FGD5: variants seen among roughly 807,000 people sequenced by gnomAD.
The protein encoded by FGD5 is FYVE, RhoGEF and PH domain containing 5.
A neutral mutation model predicts 133.4 loss-of-function variants in FGD5; 28 were observed. That is an observed-to-expected ratio of 0.21 (90% CI 0.16 to 0.29). The LOEUF (loss-of-function observed/expected upper bound fraction) is 0.29, where lower values mean the gene tolerates loss of function less well. Among genes scored for constraint, FGD5 ranks in the 10% least tolerant of loss-of-function variants. The probability of loss-of-function intolerance (pLI) is 1.00; values close to 1 mark genes in which losing one functional copy is unlikely to be tolerated. For synonymous variants in FGD5, 810 were observed against 776.5 expected (o/e 1.04, Z -0.72); for missense variants, 1,858 against 1,895.2 (o/e 0.98, Z 0.36).
In FGD5 at chr3:14,932,739, AAGAACTAATTAGTCTTATAGCTTTT is replaced by A; in HGVS notation, c.4352+9_4352+33del. ...TACCAATTCAGCTCAGAGGTACGAA[AAGAACTAATTAGTCTTATAGCTTTT>A]TGTTCTCTCAGAAGGCAACAAGTTG... On this transcript the variant is annotated intron_variant, in intron 19 of 19. Transcript: ENST00000285046. 1 of 1,611,008 alleles carries A rather than the reference AAGAACTAATTAGTCTTATAGCTTTT, an allele frequency of 6.2e-7. No homozygotes were observed. The highest frequency in any genetic ancestry group is 8.5e-7 in the Non-Finnish European group (1 of 1,179,082).
intron 1 of FGD5, among the ~76,000 whole-genome samples, chr3:14,839,167 A>G (rs532780112): frequency 6.6e-6 from 1 of 152,236 alleles, no homozygotes; most frequent in African/African-American, 2.4e-5. Flanking sequence ...GGAAATGCAC[A>G]GGCTTCTGGG....
rs1247009070 is a variant in FGD5, at chr3:14,844,209, AAAAAAAAAATATATATATATAT to A, written c.2526-19917_2526-19896del. Reference sequence around the variant, plus strand: ...TCTCACATCTTAATAGGCATTAAAAAAAAAAAAAATATATATATATATATATATATATATATATATATATATA... The same window carrying A: ...TCTCACATCTTAATAGGCATTAAAAAATATATATATATATATATATATATA... On this transcript the variant is annotated intron_variant, in intron 1 of 19. Coordinates refer to ENST00000285046, the MANE Select transcript of FGD5 (RefSeq NM_152536.4). 1.5e-4 allele frequency among the ~76,000 whole-genome samples: 4 copies of A among 26,906 alleles called. 1 individual carries two copies. The highest frequency in any genetic ancestry group is 2.7e-4 in the Non-Finnish European group (4 of 14,926). 17.7% of individuals were successfully genotyped at this position (26,906 alleles called of 152,430 possible).
chr3:14,917,635 G>A lies in FGD5; in HGVS notation c.3489+303G>A, dbSNP rs1186272496. 1.3e-5 allele frequency among the ~76,000 whole-genome samples: 2 copies of A among 152,100 alleles called. No homozygotes were observed. The highest frequency in any genetic ancestry group is 4.8e-5 in the African/African-American group (2 of 41,400). On this transcript the variant is annotated intron_variant, in intron 12 of 19. Transcript: ENST00000285046. This position sits in a 1 kb window ranked among gnomAD's most constrained non-coding sequence, Gnocchi z 4.1. ...GCATAAGGAAGGGCCTGGGTTGGGG[G>A]AACAAGCAGGTGGTTGGTAATTTTT...
Position 14,880,746 on chromosome 3 carries a change from G to T in FGD5, c.2722G>T (p.Val908Leu). The T allele has an allele frequency of 6.2e-7, 1 of 1,614,044 alleles. No homozygotes were observed. The highest frequency in any genetic ancestry group is 8.5e-7 in the Non-Finnish European group (1 of 1,179,888). The change falls in exon 4 of 20, where the codon GTG (valine) becomes TTG (leucine). Residue 908 changes from valine to leucine, a missense_variant. This residue lies in a region of FGD5 where 1,824 missense variants were observed against 1,848.9 expected (regional missense o/e 0.99). Coordinates refer to ENST00000285046, the MANE Select transcript of FGD5 (RefSeq NM_152536.4). The stretch of plus-strand genomic sequence containing the variant: ...CAACCCTCTTTCCCTCTGCAGATAC[G>T]TGGAGATGCTCCAGCACTTAAATCT... Reference protein sequence around the residue: ...QELLSSEKAYVEMLQHLNLDF... With the variant: ...QELLSSEKAYLEMLQHLNLDF...
At chr3:14,844,848 A>C (rs2037015647) in intron 1 of FGD5, among the ~76,000 whole-genome samples, 1 of 152,032 alleles carries the variant, frequency 6.6e-6, no homozygotes, top group Non-Finnish European at 1.5e-5. Context: ...ACTGCACTCA[A>C]ATCTTTTTTG....
At chr3:14,892,180 A>G (rs1281828817) in intron 4 of FGD5, among the ~76,000 whole-genome samples, 1 of 151,648 alleles carries the variant, frequency 6.6e-6, no homozygotes, top group Non-Finnish European at 1.5e-5. Context: ...TTCAATCCTT[A>G]TATACAAAAG....
At chr3:14,827,698 T>C (rs187139202) in intron 1 of FGD5, among the ~76,000 whole-genome samples, 35 of 152,246 alleles carry the variant, frequency 2.3e-4, no homozygotes, top group Middle Eastern at 3.4e-3. Flanking sequence ...TCCTGGAACT[T>C]GCTAATGAGG....
intron 1 of FGD5, among the ~76,000 whole-genome samples, chr3:14,811,087 T>G (rs368507119): frequency 6.6e-6 from 1 of 151,828 alleles, no homozygotes; most frequent in South Asian, 2.1e-4. Flanking sequence ...CTCAGGGACC[T>G]TCTCAGCCTT....
chr3:14,846,521 C>T (rs895904538), intron 1 of FGD5, among the ~76,000 whole-genome samples: 11 of 152,216 alleles, frequency 7.2e-5, no homozygotes, highest in Admixed American at 2.0e-4. Flanking sequence ...TTGCATAGCT[C>T]ATAAATACTT....
intron 1 of FGD5, among the ~76,000 whole-genome samples, chr3:14,860,616 T>A (rs1313563456): frequency 6.6e-6 from 1 of 152,190 alleles, no homozygotes; most frequent in African/African-American, 2.4e-5. Flanking sequence ...GCACCTCCAA[T>A]ATGAGCAAGA....
rs1439588202 is a variant in FGD5 at position 14,819,943 on chromosome 3, T to A, written c.872T>A (p.Val291Asp). 1 of 1,613,730 alleles carries A rather than the reference T, an allele frequency of 6.2e-7. No individual in the cohort carries two copies. The highest frequency in any genetic ancestry group is 8.5e-7 in the Non-Finnish European group (1 of 1,179,812). ...ACGGGTGTCACAGGTGGGGAACAGG[T>A]TGACCTCAGTGAACCACCTGACCAC... is the stretch of plus-strand genomic sequence containing the variant. ...EATGVTGGEQVDLSEPPDHEK... is the reference protein window; with the variant it reads ...EATGVTGGEQDDLSEPPDHEK... Residue 291 changes from valine (V) to aspartate (D), a missense_variant, in exon 1 of 20, where the codon GTT becomes GAT. Val to Asp is a radical substitution (Grantham distance 152). Transcript: ENST00000285046. This position sits in a 1 kb window ranked among gnomAD's most constrained non-coding sequence, Gnocchi z 4.1.
intron 10 of FGD5, 95 bp from the exon 11 acceptor site, chr3:14,910,766 T>TCAGAGG: frequency 8.9e-7 from 1 of 1,124,572 alleles, no homozygotes; most frequent in South Asian, 1.4e-5. Flanking sequence ...TGTCTGGGAT[T>TCAGAGG]GATTTAAGTT....
rs992845602 is a variant in FGD5, at chr3:14,933,722, C to T, written c.*555C>T. ...AGATGGAATCCTGTGGACTAATGTG[C>T]CACCAGTTTTCTAACAAGGGTGTAC... On this transcript the variant is annotated 3_prime_UTR_variant, in exon 20 of 20. Transcript: ENST00000285046. The T allele has an allele frequency of 1.9e-5, 3 of 156,356 alleles. No homozygotes were observed. Among genetic ancestry groups the T allele is most frequent in the Admixed American group, 6.2e-5 (1 of 16,014 alleles). 9.7% of individuals were successfully genotyped at this position (156,356 alleles called of 1,614,324 possible). A position where few individuals can be genotyped will look rare whatever the true frequency, so the allele number is the denominator to read the frequency against.
Position 14,871,575 on chromosome 3 carries a change from G to A in FGD5, c.2658+7315G>A, listed in dbSNP as rs140576329. The stretch of plus-strand genomic sequence containing the variant: ...AGTAACACAAGAGACATTGCAAGGC[G>A]GGTGACAGAGGAGAGGGAGGGAGGC... On this transcript the variant is annotated intron_variant, in intron 2 of 19. Coordinates refer to ENST00000285046, the MANE Select transcript of FGD5 (RefSeq NM_152536.4). Among the ~76,000 whole-genome samples, 241 of 152,298 alleles carry A rather than the reference G, an allele frequency of 1.6e-3. 1 individual carries two copies. Among genetic ancestry groups the A allele is most frequent in the African/African-American group, 5.4e-3 (225 of 41,566 alleles).
rs775722294 is a variant in FGD5, at chr3:14,821,000, G to A, written c.1929G>A (p.Pro643=). 61 of 1,613,682 alleles carry A rather than the reference G, an allele frequency of 3.8e-5. No homozygotes were observed. Among genetic ancestry groups the A allele is most frequent in the Non-Finnish European group, 4.5e-5 (53 of 1,179,858 alleles). ...CACTCCTGATCGAGAGCGACTCCCC[G>A]GACAAGTACAAGAAGAAGAAGTCAT... ...SPSLLIESDS[P]DKYKKKKSSF... The change falls in exon 1 of 20, where the codon CCG becomes CCA. Residue 643 remains proline (P), a synonymous_variant. Coordinates refer to ENST00000285046, the MANE Select transcript of FGD5 (RefSeq NM_152536.4).
upstream of FGD5, among the ~76,000 whole-genome samples, chr3:14,816,848 T>C (rs1220947743): frequency 1.3e-5 from 2 of 152,206 alleles, no homozygotes; most frequent in African/African-American, 4.8e-5. Flanking sequence ...ATTAGGGGTC[T>C]GATGCAGTGG....
chr3:14,864,605 C>G (rs1056414350), intron 2 of FGD5, among the ~76,000 whole-genome samples: 1 of 152,192 alleles, frequency 6.6e-6, no homozygotes, highest in Admixed American at 6.5e-5. Context: ...CCTCAGTTTC[C>G]TCATCTGTGA....
At chr3:14,812,737 G>T (rs1379428697) in intron 1 of FGD5, among the ~76,000 whole-genome samples, 4 of 152,160 alleles carry the variant, frequency 2.6e-5, no homozygotes, top group African/African-American at 9.7e-5. Context: ...ACCTTAAGCA[G>T]GTTATTCAAC....
chr3:14,905,686 T>G (rs2125138882), intron 9 of FGD5, among the ~76,000 whole-genome samples: 1 of 152,188 alleles, frequency 6.6e-6, no homozygotes, highest in South Asian at 2.1e-4. Flanking sequence ...GTGTTCACCT[T>G]TCCCACCAGG....
Sources: gnomAD v4.1 joint callset for allele counts (sites outside exome capture counted in the v4.1 genomes callset) on GRCh38, gnomAD v4.1.1 for gene constraint, gnomAD v4.1.1 regional missense constraint, Gnocchi (gnomAD v3.1) non-coding constraint, MANE v1.5 for transcripts, NCBI Gene and HGNC (gene_info 2026-07-23, HGNC 2026-07-21) for gene names.